The following SUMF1 variants were observed in gnomAD, a reference collection of about 807,000 sequenced individuals.
The protein encoded by SUMF1 is sulfatase modifying factor 1.
Under a neutral mutation model 47.6 loss-of-function variants are expected in SUMF1, and 48 were observed. The observed-to-expected ratio is 1.01, with a 90% CI of 0.80 to 1.28. The LOEUF (loss-of-function observed/expected upper bound fraction) is 1.28. SUMF1 is among the 50% of genes most tolerant of loss of function. The probability of loss-of-function intolerance (pLI) is 0.00; values close to 1 mark genes in which losing one functional copy is unlikely to be tolerated. For missense variants in SUMF1, 571 were observed against 485.4 expected (o/e 1.18, Z -1.66); for synonymous variants, 230 against 192.1 (o/e 1.20, Z -1.63).
chr3:4,318,486 C>T (rs112188436), intron 8 of SUMF1, among the ~76,000 whole-genome samples: 1,630 of 152,292 alleles, frequency 0.011, 18 homozygotes, highest in African/African-American at 0.036. Flanking sequence ...CAGCTAACAT[C>T]ATACATAATG....
rs189268025 is a variant in SUMF1 at position 4,292,833 on chromosome 3, C to T, written c.1014+83497G>A. On this transcript the variant is annotated intron_variant and NMD_transcript_variant, in intron 8 of 12. Transcript: ENST00000448413. The stretch of plus-strand genomic sequence containing the variant: ...TTGGGGGAAAACTTTACCTAATTTG[C>T]TAAGAGATGAAAAAAGACACACATA... Among the ~76,000 whole-genome samples the T allele has an allele frequency of 3.7e-4, 57 of 152,198 alleles. 1 individual carries two copies. The highest frequency in any genetic ancestry group is 1.3e-3 in the African/African-American group (53 of 41,524).
intron 8 of SUMF1, among the ~76,000 whole-genome samples, chr3:4,100,124 T>C (rs1693000151): frequency 6.6e-6 from 1 of 150,922 alleles, no homozygotes; most frequent in Admixed American, 6.6e-5. Flanking sequence ...ACCAAAGCAA[T>C]CTACAAATTT....
intron 8 of SUMF1, among the ~76,000 whole-genome samples, chr3:4,372,837 A>T (rs1700208865): frequency 6.6e-6 from 1 of 152,208 alleles, no homozygotes; most frequent in Admixed American, 6.5e-5. Flanking sequence ...AAGGCTAAGC[A>T]CTCTGAAAAT....
intron 8 of SUMF1, among the ~76,000 whole-genome samples, chr3:4,342,229 ATCG>A (rs1316738491): frequency 6.6e-6 from 1 of 152,160 alleles, no homozygotes; most frequent in Non-Finnish European, 1.5e-5. Context: ...TTCTGTTATC[ATCG>A]TTGTTGTTTT....
At chr3:4,345,316 T>A (rs1699353024) in intron 8 of SUMF1, among the ~76,000 whole-genome samples, 1 of 152,202 alleles carries the variant, frequency 6.6e-6, no homozygotes, top group Non-Finnish European at 1.5e-5. Flanking sequence ...GGGAAGCCCA[T>A]CAGACTAACA....
chr3:4,102,062 G>C (rs1017425244), intron 8 of SUMF1, among the ~76,000 whole-genome samples: 1 of 152,094 alleles, frequency 6.6e-6, no homozygotes, highest in Non-Finnish European at 1.5e-5. Flanking sequence ...GCACCATGGG[G>C]GTAACTGCCT....
intron 9 of SUMF1, among the ~76,000 whole-genome samples, chr3:4,038,781 A>G (rs771711433): frequency 2.0e-5 from 3 of 152,176 alleles, no homozygotes; most frequent in Non-Finnish European, 4.4e-5. Context: ...TGGCTCTGGG[A>G]GTCTCTCCCC....
At chr3:4,357,165 A>G (rs1174263020), downstream of SUMF1, among the ~76,000 whole-genome samples, 1 of 152,272 alleles carries the variant, frequency 6.6e-6, no homozygotes, top group Middle Eastern at 3.4e-3. Flanking sequence ...TATTTGTTGG[A>G]AGGAAGGAGG....
intron 8 of SUMF1, among the ~76,000 whole-genome samples, chr3:4,261,464 T>C (rs1433000417): frequency 3.9e-5 from 6 of 152,240 alleles, no homozygotes; most frequent in Admixed American, 2.0e-4. Flanking sequence ...CTGAATTTGC[T>C]GTCTAGTTTG....
intron 8 of SUMF1, among the ~76,000 whole-genome samples, chr3:4,110,313 G>A (rs1382851419): frequency 6.6e-6 from 1 of 152,096 alleles, no homozygotes; most frequent in Non-Finnish European, 1.5e-5. Context: ...ACCCAGACAT[G>A]TGAGGTATCA....
chr3:4,391,194 T>C (rs778259829), intron 7 of SUMF1, among the ~76,000 whole-genome samples: 1 of 152,204 alleles, frequency 6.6e-6, no homozygotes, highest in Non-Finnish European at 1.5e-5. Context: ...ATTTTCAAGA[T>C]TTTGTCTTTC....
At chr3:4,416,833 T>G (rs1025002489) in intron 6 of SUMF1, among the ~76,000 whole-genome samples, 2 of 152,206 alleles carry the variant, frequency 1.3e-5, no homozygotes, top group Non-Finnish European at 2.9e-5. Flanking sequence ...TGCACCAATA[T>G]GCTAACAGGT....
chr3:4,389,603 A>G (rs9815673), intron 7 of SUMF1, among the ~76,000 whole-genome samples: 1 of 151,832 alleles, frequency 6.6e-6, no homozygotes, highest in African/African-American at 2.4e-5. Flanking sequence ...AAATGTGAGA[A>G]CTTTTGTTAT....
chr3:4,264,255 C>G (rs932172833), intron 8 of SUMF1, among the ~76,000 whole-genome samples: 10 of 152,152 alleles, frequency 6.6e-5, no homozygotes, highest in African/African-American at 1.9e-4. Context: ...AGACACTTCC[C>G]AGGCAGTTAG....
chr3:4,110,631 G>A (rs1693276378), intron 8 of SUMF1, among the ~76,000 whole-genome samples: 1 of 151,794 alleles, frequency 6.6e-6, no homozygotes, highest in Admixed American at 6.6e-5. Flanking sequence ...AAGAAAATGT[G>A]GCACATATAC....
intron 8 of SUMF1, among the ~76,000 whole-genome samples, chr3:4,354,927 T>A (rs1699585156): frequency 6.6e-6 from 1 of 152,232 alleles, no homozygotes. Flanking sequence ...GTAGGTATTA[T>A]TATTCCCATT....
At chr3:4,230,525 AAGG>A (rs1696275194) in intron 8 of SUMF1, among the ~76,000 whole-genome samples, 1 of 152,144 alleles carries the variant, frequency 6.6e-6, no homozygotes, top group Non-Finnish European at 1.5e-5. Context: ...TGGGGCAAGA[AAGG>A]AGGAGACAGG....
chr3:4,420,614 T>C (rs951685839), intron 3 of SUMF1, among the ~76,000 whole-genome samples: 3 of 152,076 alleles, frequency 2.0e-5, no homozygotes, highest in Non-Finnish European at 4.4e-5. Flanking sequence ...GCCAGGATGG[T>C]CTCGATCTCC....
intron 8 of SUMF1, among the ~76,000 whole-genome samples, chr3:4,124,700 C>T (rs1693616269): frequency 6.6e-6 from 1 of 151,890 alleles, no homozygotes; most frequent in Non-Finnish European, 1.5e-5. Context: ...TTATCTTTGG[C>T]TTTCATGACC....
Sources: allele counts gnomAD v4.1 joint callset (sites outside exome capture counted in the v4.1 genomes callset), GRCh38; gene constraint gnomAD v4.1.1; transcripts MANE v1.5; gene names NCBI Gene and HGNC (gene_info 2026-07-23, HGNC 2026-07-21).